AMER2: variants seen among roughly 807,000 people sequenced by gnomAD.
AMER2 encodes the protein APC membrane recruitment protein 2.
In AMER2, 1 loss-of-function variant was observed where a neutral mutation model predicts 4.7. The observed-to-expected ratio is 0.21, with a 90% confidence interval of 0.07 to 1.00. The LOEUF (loss-of-function observed/expected upper bound fraction) is 1.00, where lower values mean the gene tolerates loss of function less well. Ranked by LOEUF, AMER2 falls within the 50% of genes least tolerant of loss-of-function variation. AMER2 has a pLI of 0.60. For missense variants in AMER2, 988 were observed against 966.9 expected (o/e 1.02, Z -0.29); for synonymous variants, 485 against 433.3 (o/e 1.12, Z -1.48).
At position 25,170,453 on chromosome 13, in the gene AMER2, C is replaced by T; in HGVS notation, c.1167G>A (p.Glu389=). 2 of 1,614,208 alleles carry T rather than the reference C, an allele frequency of 1.2e-6. No homozygotes were observed. The highest frequency in any genetic ancestry group is 1.7e-6 in the Non-Finnish European group (2 of 1,180,030). ...TGCGDIIADQ[E]EEAGPSCDKH... ...TGTCACAGCTGGGACCTGCCTCTTC[C>T]TCTTGGTCTGCAATAATATCTCCAC... is the stretch of plus-strand genomic sequence containing the variant. Residue 389 remains glutamate, a synonymous_variant, in exon 1 of 1, where the codon GAG becomes GAA. Transcript: ENST00000515384. The surrounding 1 kb of genome is among the most constrained non-coding windows in gnomAD (Gnocchi z 7.3).
In AMER2 at chr13:25,165,922, G is replaced by A. The variant is rs927037272; in HGVS notation, c.*3682C>T. The A allele has an allele frequency of 1.3e-5, 2 of 152,370 alleles. No homozygotes were observed. Among genetic ancestry groups the A allele is most frequent in the African/African-American group, 2.4e-5 (1 of 41,598 alleles). The allele number at this position is 152,370 out of a possible 1,614,324, so 9.4% of individuals were successfully genotyped here. A position where few individuals can be genotyped will look rare whatever the true frequency, so the allele number is the denominator to read the frequency against. The stretch of plus-strand genomic sequence containing the variant: ...CTGTCTGAGGGCACTTAGGAGACAT[G>A]AGCTGCCTGAGTGGATCTCTTCACA... On this transcript the variant is annotated 3_prime_UTR_variant, in exon 1 of 1. Coordinates refer to ENST00000515384, the MANE Select transcript of AMER2 (RefSeq NM_152704.4).
chr13:25,161,980 G>A lies in AMER2; in HGVS notation c.*7624C>T, dbSNP rs1956412874. On this transcript the variant is annotated 3_prime_UTR_variant, in exon 1 of 1. Coordinates refer to ENST00000515384, the MANE Select transcript of AMER2 (RefSeq NM_152704.4). ...TTAAACCATTGGAGTGGAGAAAGGA[G>A]GAAAGACCCTATTGCTATTTAGAAT... 1 of 152,090 alleles carries A rather than the reference G, an allele frequency of 6.6e-6. No individual in the cohort carries two copies. The highest frequency in any genetic ancestry group is 1.5e-5 in the Non-Finnish European group (1 of 68,014). The allele number at this position is 152,090 out of a possible 1,614,324, so 9.4% of individuals were successfully genotyped here. A position where few individuals can be genotyped will look rare whatever the true frequency, so the allele number is the denominator to read the frequency against.
At position 25,171,003 on chromosome 13, in the gene AMER2, T is replaced by G; in HGVS notation, c.617A>C (p.Lys206Thr). ...GGCCTCCGCCTTGGCCCGCTTGTCT[T>G]TCCTGTGCCAGCGCATGCCGCTGAA... ...GLFSGMRWHR[K>T]DKRAKAEAAE... Residue 206 changes from lysine (K) to threonine (T), a missense_variant, in exon 1 of 1, where the codon AAA becomes ACA. Physicochemically the swap from Lys to Thr is moderately conservative, Grantham distance 78 (BLOSUM62 -1). Transcript: ENST00000515384. The surrounding 1 kb of genome is among the most constrained non-coding windows in gnomAD (Gnocchi z 5.9). The G allele has an allele frequency of 6.4e-7, 1 of 1,566,376 alleles. No individual in the cohort carries two copies. Among genetic ancestry groups the G allele is most frequent in the Non-Finnish European group, 8.6e-7 (1 of 1,157,756 alleles).
At position 25,169,948 on chromosome 13, in the gene AMER2, G is replaced by T; in HGVS notation, c.1672C>A (p.Leu558Ile). ...DSYSGDALYD[L>I]YADPDGSPAT... ...GGACTTCCGTCCGGGTCAGCATAGAGATCATAGAGCGCGTCCCCGCTGTAG... is the reference window on the plus strand; with the variant it reads ...GGACTTCCGTCCGGGTCAGCATAGATATCATAGAGCGCGTCCCCGCTGTAG... Residue 558 changes from leucine to isoleucine, a missense_variant, in exon 1 of 1, where the codon CTC (leucine) becomes ATC (isoleucine). Physicochemically the swap from Leu to Ile is conservative, Grantham distance 5 (BLOSUM62 2). Coordinates refer to ENST00000515384, the MANE Select transcript of AMER2 (RefSeq NM_152704.4). This position sits in a 1 kb window ranked among gnomAD's most constrained non-coding sequence, Gnocchi z 4.2. 1 of 1,614,156 alleles carries T rather than the reference G, an allele frequency of 6.2e-7. No individual in the cohort carries two copies. The highest frequency in any genetic ancestry group is 8.5e-7 in the Non-Finnish European group (1 of 1,180,032).
At position 25,171,966 on chromosome 13, in the gene AMER2, G is replaced by A. The variant is rs1956591375; in HGVS notation, c.-347C>T. On this transcript the variant is annotated 5_prime_UTR_variant, in exon 1 of 1. Transcript: ENST00000515384. The surrounding 1 kb of genome is among the most constrained non-coding windows in gnomAD (Gnocchi z 5.9). ...TCACGGGAGCGCAACCATGGATCACGAAATGCCTCTAAAAACGACAACGCA... is the reference window on the plus strand; with the variant it reads ...TCACGGGAGCGCAACCATGGATCACAAAATGCCTCTAAAAACGACAACGCA... 1 of 298,958 alleles carries A rather than the reference G, an allele frequency of 3.3e-6. No individual in the cohort carries two copies. The highest frequency in any genetic ancestry group is 6.1e-6 in the Non-Finnish European group (1 of 164,766). 18.5% of individuals were successfully genotyped at this position (298,958 alleles called of 1,614,324 possible).
At position 25,161,773 on chromosome 13, in the gene AMER2, A is replaced by C. The variant is rs1956409660; in HGVS notation, c.*7831T>G. Reference sequence around the variant, plus strand: ...TGTAATTTCATTTTCAGATGTTTGAATGGAACAAGAAAAGTGCTATTAGCC... The same window carrying C: ...TGTAATTTCATTTTCAGATGTTTGACTGGAACAAGAAAAGTGCTATTAGCC... On this transcript the variant is annotated 3_prime_UTR_variant, in exon 1 of 1. Coordinates refer to ENST00000515384, the MANE Select transcript of AMER2 (RefSeq NM_152704.4). The C allele has an allele frequency of 6.6e-6, 1 of 152,270 alleles. No homozygotes were observed. Among genetic ancestry groups the C allele is most frequent in the Non-Finnish European group, 1.5e-5 (1 of 68,052 alleles). 9.4% of individuals were successfully genotyped at this position (152,270 alleles called of 1,614,324 possible).
Position 25,169,872 on chromosome 13 carries a change from C to G in AMER2, c.1748G>C (p.Arg583Pro), listed in dbSNP as rs756833733. The G allele has an allele frequency of 9.3e-6, 15 of 1,613,998 alleles. No homozygotes were observed. Among genetic ancestry groups the G allele is most frequent in the Non-Finnish European group, 1.3e-5 (15 of 1,180,010 alleles). The change falls in exon 1 of 1, where the codon CGG (arginine) becomes CCG (proline). Residue 583 changes from arginine to proline, a missense_variant. Physicochemically the swap from Arg to Pro is moderately radical, Grantham distance 103 (BLOSUM62 -2). Coordinates refer to ENST00000515384, the MANE Select transcript of AMER2 (RefSeq NM_152704.4). This position sits in a 1 kb window ranked among gnomAD's most constrained non-coding sequence, Gnocchi z 4.2. ...KDNEETSSLS[R>P]LKPVSPGTIT... Reference sequence around the variant, plus strand: ...GGTGCCTGGAGATACGGGCTTTAACCGGGACAGGGAGGACGTCTCCTCGTT... The same window carrying G: ...GGTGCCTGGAGATACGGGCTTTAACGGGGACAGGGAGGACGTCTCCTCGTT...
chr13:25,170,991 G>C lies in AMER2; in HGVS notation c.629C>G (p.Ala210Gly). 1 of 1,562,576 alleles carries C rather than the reference G, an allele frequency of 6.4e-7. No individual in the cohort carries two copies. The highest frequency in any genetic ancestry group is 8.6e-7 in the Non-Finnish European group (1 of 1,156,200). Residue 210 changes from alanine (A) to glycine (G), a missense_variant, in exon 1 of 1, where the codon GCC (alanine) becomes GGC (glycine). Physicochemically the swap from Ala to Gly is moderately conservative, Grantham distance 60. Transcript: ENST00000515384. The surrounding 1 kb of genome is among the most constrained non-coding windows in gnomAD (Gnocchi z 7.3). ...GCGCCCCTCCGCGGCCTCCGCCTTG[G>C]CCCGCTTGTCTTTCCTGTGCCAGCG... The part of the protein sequence containing the change: ...GMRWHRKDKR[A>G]KAEAAEGRAP...
Position 25,171,225 on chromosome 13 carries a change from C to T in AMER2, c.395G>A (p.Gly132Asp), listed in dbSNP as rs1468010762. The change falls in exon 1 of 1, where the codon GGC (glycine) becomes GAC (aspartate). Residue 132 changes from glycine (G) to aspartate (D), a missense_variant. Gly to Asp is a moderately conservative substitution (Grantham distance 94). Coordinates refer to ENST00000515384, the MANE Select transcript of AMER2 (RefSeq NM_152704.4). This position sits in a 1 kb window ranked among gnomAD's most constrained non-coding sequence, Gnocchi z 5.9. The stretch of plus-strand genomic sequence containing the variant: ...CCCCGGGTTCGGCCGCCCCCCGCCG[C>T]CCCCGCCGCTGTCGCCCCCGCCGCG... ...EPRGGGDSGG[G>D]GGGRPNPGPP... is the part of the protein sequence containing the mutation. The T allele has an allele frequency of 6.5e-6, 9 of 1,379,086 alleles. No individual in the cohort carries two copies. In the African/African-American group the frequency reaches 1.2e-4, roughly 19 times the overall value. The allele number at this position is 1,379,086 out of a possible 1,614,324, so 85.4% of individuals were successfully genotyped here.
Position 25,169,895 on chromosome 13 carries a change from G to T in AMER2, c.1725C>A (p.Asn575Lys), listed in dbSNP as rs749779011. 6.2e-7 allele frequency: 1 copy of T among 1,614,134 alleles called. No homozygotes were observed. Among genetic ancestry groups the T allele is most frequent in the Admixed American group, 1.7e-5 (1 of 60,016 alleles). Reference protein sequence around the residue: ...SPATLPGGKDNEETSSLSRLK... With the variant: ...SPATLPGGKDKEETSSLSRLK... Reference sequence around the variant, plus strand: ...ACCGGGACAGGGAGGACGTCTCCTCGTTGTCCTTCCCTCCAGGAAGGGTTG... The same window carrying T: ...ACCGGGACAGGGAGGACGTCTCCTCTTTGTCCTTCCCTCCAGGAAGGGTTG... The change falls in exon 1 of 1, where the codon AAC (asparagine) becomes AAA (lysine). Residue 575 changes from asparagine (N) to lysine (K), a missense_variant. Transcript: ENST00000515384. This position sits in a 1 kb window ranked among gnomAD's most constrained non-coding sequence, Gnocchi z 4.2.
At position 25,168,031 on chromosome 13, in the gene AMER2, C is replaced by T. The variant is rs189812487; in HGVS notation, c.*1573G>A. On this transcript the variant is annotated 3_prime_UTR_variant, in exon 1 of 1. Transcript: ENST00000515384. ...TCTTCCTGGTATGATGAATCACCTC[C>T]TAGTAGAAGCTCTGGTCTTTTGATT... 6.6e-6 allele frequency: 1 copy of T among 152,202 alleles called. No individual in the cohort carries two copies. Among genetic ancestry groups the T allele is most frequent in the African/African-American group, 2.4e-5 (1 of 41,544 alleles). 9.4% of individuals were successfully genotyped at this position (152,202 alleles called of 1,614,324 possible). A position where few individuals can be genotyped will look rare whatever the true frequency, so the allele number is the denominator to read the frequency against.
In AMER2 at chr13:25,161,698, A is replaced by G. The variant is rs1168921413; in HGVS notation, c.*7906T>C. On this transcript the variant is annotated 3_prime_UTR_variant, in exon 1 of 1. Coordinates refer to ENST00000515384, the MANE Select transcript of AMER2 (RefSeq NM_152704.4). ...ACAGAATTCACTTTAAATGCAAAGG[A>G]GCAACAAAATTTATTGACTGAATTA... 1 of 152,250 alleles carries G rather than the reference A, an allele frequency of 6.6e-6. No individual in the cohort carries two copies. The highest frequency in any genetic ancestry group is 2.4e-5 in the African/African-American group (1 of 41,468). The allele number at this position is 152,250 out of a possible 1,614,324, so 9.4% of individuals were successfully genotyped here.
chr13:25,167,979 T>C lies in AMER2; in HGVS notation c.*1625A>G, dbSNP rs957157684. The C allele has an allele frequency of 2.6e-5, 4 of 152,234 alleles. No homozygotes were observed. Among genetic ancestry groups the C allele is most frequent in the Non-Finnish European group, 5.9e-5 (4 of 68,026 alleles). The allele number at this position is 152,234 out of a possible 1,614,324, so 9.4% of individuals were successfully genotyped here. A position where few individuals can be genotyped will look rare whatever the true frequency, so the allele number is the denominator to read the frequency against. ...CAGAAGTGTTCATGTCATTTACATA[T>C]GTGCAGTTTCACGTGAATATGCATA... On this transcript the variant is annotated 3_prime_UTR_variant, in exon 1 of 1. Transcript: ENST00000515384.
At position 25,167,329 on chromosome 13, in the gene AMER2, T is replaced by C. The variant is rs1336715918; in HGVS notation, c.*2275A>G. ...ATGTACAACAAGGAAATCAAGATCC[T>C]TTGTTTTACAGCTAGGAATAAAATT... On this transcript the variant is annotated 3_prime_UTR_variant, in exon 1 of 1. Coordinates refer to ENST00000515384, the MANE Select transcript of AMER2 (RefSeq NM_152704.4). 2 of 152,222 alleles carry C rather than the reference T, an allele frequency of 1.3e-5. No individual in the cohort carries two copies. The highest frequency in any genetic ancestry group is 2.1e-4 in the South Asian group (1 of 4,834). The allele number at this position is 152,222 out of a possible 1,614,324, so 9.4% of individuals were successfully genotyped here.
chr13:25,170,771 C>A lies in AMER2; in HGVS notation c.849G>T (p.Glu283Asp), dbSNP rs1956552629. 1 of 1,368,194 alleles carries A rather than the reference C, an allele frequency of 7.3e-7. No homozygotes were observed. Among genetic ancestry groups the A allele is most frequent in the Non-Finnish European group, 9.3e-7 (1 of 1,069,566 alleles). The allele number at this position is 1,368,194 out of a possible 1,614,324, so 84.8% of individuals were successfully genotyped here. The change falls in exon 1 of 1, where the codon GAG (glutamate) becomes GAT (aspartate). Residue 283 changes from glutamate to aspartate, a missense_variant. Coordinates refer to ENST00000515384, the MANE Select transcript of AMER2 (RefSeq NM_152704.4). This position sits in a 1 kb window ranked among gnomAD's most constrained non-coding sequence, Gnocchi z 7.3. Reference protein sequence around the residue: ...ADRAPARSCREAEGLAHPGDT... With the variant: ...ADRAPARSCRDAEGLAHPGDT... ...CGCCGGGGTGCGCGAGGCCCTCTGC[C>A]TCTCGGCAGCTCCGCGCTGGGGCGC...
At position 25,170,378 on chromosome 13, in the gene AMER2, G is replaced by A. The variant is rs1016872095; in HGVS notation, c.1242C>T (p.Gly414=). 4.3e-6 allele frequency: 7 copies of A among 1,613,932 alleles called. No individual in the cohort carries two copies. Among genetic ancestry groups the A allele is most frequent in the Non-Finnish European group, 3.4e-6 (4 of 1,179,982 alleles). ...GKPALSKKNP[G]VVAYQGGGEE... ...CCCCGCCTCCTTGGTAGGCCACCAC[G>A]CCGGGGTTCTTTTTAGACAGAGCCG... Residue 414 remains glycine (G), a synonymous_variant, in exon 1 of 1, where the codon GGC becomes GGT. Transcript: ENST00000515384. The surrounding 1 kb of genome is among the most constrained non-coding windows in gnomAD (Gnocchi z 7.3).
In AMER2 at chr13:25,169,246, T is replaced by TA. The variant is rs1956517487; in HGVS notation, c.*357dup. On this transcript the variant is annotated 3_prime_UTR_variant, in exon 1 of 1. Coordinates refer to ENST00000515384, the MANE Select transcript of AMER2 (RefSeq NM_152704.4). This position sits in a 1 kb window ranked among gnomAD's most constrained non-coding sequence, Gnocchi z 4.2. ...TATCCCAATATCCAGGCATGACTCT[T>TA]ACTTAGGTTTGGCTAAGTTCTGTTT... is the stretch of plus-strand genomic sequence containing the variant. 1 of 175,342 alleles carries TA rather than the reference T, an allele frequency of 5.7e-6. No homozygotes were observed. Among genetic ancestry groups the TA allele is most frequent in the Non-Finnish European group, 1.2e-5 (1 of 83,720 alleles). 10.9% of individuals were successfully genotyped at this position (175,342 alleles called of 1,614,324 possible). A position where few individuals can be genotyped will look rare whatever the true frequency, so the allele number is the denominator to read the frequency against.
In AMER2 at chr13:25,171,842, C is replaced by T. The variant is rs564384962; in HGVS notation, c.-223G>A. On this transcript the variant is annotated 5_prime_UTR_variant, in exon 1 of 1. Coordinates refer to ENST00000515384, the MANE Select transcript of AMER2 (RefSeq NM_152704.4). The surrounding 1 kb of genome is among the most constrained non-coding windows in gnomAD (Gnocchi z 5.9). ...GCGTTTTTGTGGCAGGAGCAGGCAA[C>T]ACAGCCGCGAGCTGATTGCAGAAAT... is the stretch of plus-strand genomic sequence containing the variant. 234 of 836,316 alleles carry T rather than the reference C, an allele frequency of 2.8e-4. 5 individuals carry two copies. In the South Asian group the frequency reaches 8.6e-3, roughly 31 times the overall value. 51.8% of individuals were successfully genotyped at this position (836,316 alleles called of 1,614,324 possible). A position where few individuals can be genotyped will look rare whatever the true frequency, so the allele number is the denominator to read the frequency against.
At position 25,171,060 on chromosome 13, in the gene AMER2, C is replaced by T. The variant is rs748125662; in HGVS notation, c.560G>A (p.Gly187Asp). Reference protein sequence around the residue: ...KGEPVDASKAGGKQKRGLRGL... With the variant: ...KGEPVDASKADGKQKRGLRGL... ...CCGCAGCCCCCGCTTTTGTTTGCCG[C>T]CGGCCTTGCTCGCGTCCACAGGCTC... is the stretch of plus-strand genomic sequence containing the variant. The change falls in exon 1 of 1, where the codon GGC becomes GAC. Residue 187 changes from glycine (G) to aspartate (D), a missense_variant. Gly to Asp is a moderately conservative substitution (Grantham distance 94). Coordinates refer to ENST00000515384, the MANE Select transcript of AMER2 (RefSeq NM_152704.4). The surrounding 1 kb of genome is among the most constrained non-coding windows in gnomAD (Gnocchi z 5.9). The T allele has an allele frequency of 1.9e-6, 3 of 1,578,914 alleles. No homozygotes were observed. The highest frequency in any genetic ancestry group is 2.8e-5 in the African/African-American group (2 of 71,622).
Sources: gnomAD v4.1 joint callset for allele counts on GRCh38, gnomAD v4.1.1 for gene constraint, Gnocchi (gnomAD v3.1) non-coding constraint, MANE v1.5 for transcripts, NCBI Gene and HGNC (gene_info 2026-07-23, HGNC 2026-07-21) for gene names.